DLGAP2: variants seen among roughly 807,000 people sequenced by gnomAD.
DLGAP2 encodes disks large-associated protein 2.
DLGAP2 carries 26 observed loss-of-function variants against 100.3 expected under a neutral mutation model. The observed-to-expected ratio is 0.26, with a 90% CI of 0.19 to 0.36. The LOEUF (loss-of-function observed/expected upper bound fraction) is 0.36, where lower values mean the gene tolerates loss of function less well. DLGAP2 is among the 10% of genes least tolerant of loss of function. DLGAP2 has a pLI of 1.00. For missense variants in DLGAP2, 1,858 were observed against 1,453.2 expected, an observed-to-expected ratio of 1.28 and a Z score of -4.53; for synonymous variants, 886 against 630.1, an observed-to-expected ratio of 1.41 and a Z score of -6.08.
intron 3 of DLGAP2, among the ~76,000 whole-genome samples, chr8:1,324,290 C>G (rs1489027047): frequency 6.6e-6 from 1 of 152,192 alleles, no homozygotes; most frequent in African/African-American, 2.4e-5. Context: ...TCATTGAGCT[C>G]CAGGCCATTT....
At chr8:1,180,181 C>A (rs573457081) in intron 2 of DLGAP2, among the ~76,000 whole-genome samples, 2 of 152,064 alleles carry the variant, frequency 1.3e-5, no homozygotes, top group African/African-American at 4.8e-5. Context: ...ACACTTTTTT[C>A]TGATAAAGCC....
intron 2 of DLGAP2, among the ~76,000 whole-genome samples, chr8:1,003,892 C>T (rs962143643): frequency 1.3e-5 from 2 of 152,190 alleles, no homozygotes; most frequent in African/African-American, 2.4e-5. Context: ...ACATTTCTTA[C>T]TTGTGTTTTT....
At chr8:1,188,644 G>A (rs1041031014) in intron 2 of DLGAP2, among the ~76,000 whole-genome samples, 1 of 152,046 alleles carries the variant, frequency 6.6e-6, no homozygotes, top group African/African-American at 2.4e-5. Flanking sequence ...CCTCCCAATA[G>A]AACAGCGACT....
intron 2 of DLGAP2, among the ~76,000 whole-genome samples, chr8:1,078,916 A>T (rs1397529733): frequency 1.3e-5 from 2 of 152,258 alleles, no homozygotes. Context: ...CCAGGTAAAT[A>T]GCAAGGAGTA....
rs368528416 is a variant in DLGAP2 at position 1,364,799 on chromosome 8, G to A, written c.106+105916G>A. On this transcript the variant is annotated intron_variant, in intron 3 of 14. Transcript: ENST00000637795. ...TCTCAGAGCTGGAGAGAGAGGGGAC[G>A]CTGTGCATTTACGTCGGAGTTGGGG... Among the ~76,000 whole-genome samples the A allele has an allele frequency of 7.9e-4, 120 of 152,356 alleles. 1 individual carries two copies. Among genetic ancestry groups the A allele is most frequent in the African/African-American group, 2.5e-3 (106 of 41,592 alleles).
At chr8:1,630,810 T>C (rs564504844) in intron 7 of DLGAP2, among the ~76,000 whole-genome samples, 2 of 152,290 alleles carry the variant, frequency 1.3e-5, no homozygotes, top group East Asian at 3.9e-4. Context: ...CTTATGTCCA[T>C]GCCGTTTCCT....
In DLGAP2 at chr8:1,295,897, A is replaced by C. The variant is rs566012774; in HGVS notation, c.106+37014A>C. ...AATTGGAAACGATTTCAGGAGCCTT[A>C]ATTAATGAAGCGTCACAACATGCCT... On this transcript the variant is annotated intron_variant, in intron 3 of 14. Transcript: ENST00000637795. 146 of 152,328 alleles carry C rather than the reference A, an allele frequency of 9.6e-4. 1 individual carries two copies. Among genetic ancestry groups the C allele is most frequent in the African/African-American group, 3.4e-3 (142 of 41,568 alleles). The allele number at this position is 152,328 out of a possible 1,614,324, so 9.4% of individuals were successfully genotyped here.
intron 3 of DLGAP2, among the ~76,000 whole-genome samples, chr8:1,355,796 A>C (rs1801834875): frequency 6.6e-6 from 1 of 151,846 alleles, no homozygotes; most frequent in Non-Finnish European, 1.5e-5. Context: ...CTCCTCCCAC[A>C]ACCCCCACCC....
At chr8:1,597,866 C>G (rs1464406742) in intron 6 of DLGAP2, among the ~76,000 whole-genome samples, 2 of 152,218 alleles carry the variant, frequency 1.3e-5, no homozygotes, top group African/African-American at 2.4e-5. Flanking sequence ...TTATTTCTTT[C>G]TCTTGTCTGA....
At chr8:1,660,154 A>T (rs1173617756) in intron 8 of DLGAP2, among the ~76,000 whole-genome samples, 1 of 152,158 alleles carries the variant, frequency 6.6e-6, no homozygotes, top group Non-Finnish European at 1.5e-5. Flanking sequence ...TTCTTTAAGA[A>T]TGTTGAATAT....
chr8:1,244,013 C>T (rs1275465789), intron 2 of DLGAP2, among the ~76,000 whole-genome samples: 2 of 151,882 alleles, frequency 1.3e-5, no homozygotes, highest in African/African-American at 2.4e-5. Flanking sequence ...AGCCTCTGCA[C>T]TCCACCATAG....
At position 1,373,083 on chromosome 8, in the gene DLGAP2, G is replaced by A. The variant is rs529671785; in HGVS notation, c.106+114200G>A. On this transcript the variant is annotated intron_variant, in intron 3 of 14. Transcript: ENST00000637795. ...TCTGGAGTGCGGAGGCTTCGCTGGT[G>A]AGTGATGACCCCGAGACCTCCGTGC... 1.6e-4 allele frequency among the ~76,000 whole-genome samples: 25 copies of A among 152,342 alleles called. No individual in the cohort carries two copies. In the East Asian group the frequency reaches 2.9e-3, roughly 18 times the overall value.
intron 2 of DLGAP2, among the ~76,000 whole-genome samples, chr8:1,123,767 C>G (rs1221604962): frequency 6.6e-6 from 1 of 152,122 alleles, no homozygotes; most frequent in Non-Finnish European, 1.5e-5. Context: ...TCCTGACTCC[C>G]TTTAGGAATA....
chr8:1,293,547 G>C (rs921818045), intron 3 of DLGAP2, among the ~76,000 whole-genome samples: 11 of 152,160 alleles, frequency 7.2e-5, no homozygotes, highest in Middle Eastern at 3.4e-3. Context: ...GGAATTTTTC[G>C]TGAAATAACC....
intron 2 of DLGAP2, among the ~76,000 whole-genome samples, chr8:1,114,216 A>G (rs1243228487): frequency 1.3e-5 from 2 of 152,152 alleles, no homozygotes; most frequent in African/African-American, 4.8e-5. Flanking sequence ...GCCTCATAGA[A>G]TGAGTTGGGG....
intron 1 of DLGAP2, among the ~76,000 whole-genome samples, chr8:830,253 G>C (rs757507256): frequency 7.9e-5 from 12 of 152,120 alleles, no homozygotes; most frequent in Non-Finnish European, 1.6e-4. Flanking sequence ...AATCACATCA[G>C]GGTCAGTGGG....
chr8:899,366 C>G (rs866113638), intron 1 of DLGAP2, among the ~76,000 whole-genome samples: 6 of 152,220 alleles, frequency 3.9e-5, no homozygotes, highest in Non-Finnish European at 8.8e-5. Context: ...CCTGCCTTCC[C>G]TGGGCCACGC....
Position 1,206,963 on chromosome 8 carries a change from C to T in DLGAP2, c.74-51888C>T, listed in dbSNP as rs564792452. Reference sequence around the variant, plus strand: ...TCTCAGTGCTGAGTGGACACCGTCTCGGTGAAACTTCCTGCCCACCCTCCC... The same window carrying T: ...TCTCAGTGCTGAGTGGACACCGTCTTGGTGAAACTTCCTGCCCACCCTCCC... On this transcript the variant is annotated intron_variant, in intron 2 of 14. Transcript: ENST00000637795. 4.6e-5 allele frequency among the ~76,000 whole-genome samples: 7 copies of T among 152,178 alleles called. No homozygotes were observed. The East Asian group carries it at 5.8e-4, about 13-fold the overall frequency.
chr8:1,664,203 G>A (rs1182793139), intron 8 of DLGAP2, among the ~76,000 whole-genome samples: 3 of 152,202 alleles, frequency 2.0e-5, no homozygotes, highest in South Asian at 2.1e-4. Context: ...AGGACAGGCC[G>A]TGTCACCTGG....
Sources: allele counts gnomAD v4.1 joint callset (sites outside exome capture counted in the v4.1 genomes callset), GRCh38; gene constraint gnomAD v4.1.1; transcripts MANE v1.5; gene names NCBI Gene and HGNC (gene_info 2026-07-23, HGNC 2026-07-21).